The following DYSF variants were observed in gnomAD, a reference collection of about 807,000 sequenced individuals.
DYSF encodes the protein dystrophy-associated fer-1-like 1.
A neutral mutation model predicts 274.9 loss-of-function variants in DYSF; 212 were observed. The observed-to-expected ratio is 0.77, with a 90% confidence interval of 0.69 to 0.86. DYSF has a LOEUF of 0.86. DYSF is among the 40% of genes least tolerant of loss of function. The pLI is 0.00. For missense variants in DYSF, 2,666 were observed against 2,783.2 expected, an observed-to-expected ratio of 0.96 and a Z score of 0.95; for synonymous variants, 1,091 against 1,078.7, an observed-to-expected ratio of 1.01 and a Z score of -0.22.
chr2:71,463,410 G>A (rs535875269), upstream of DYSF, among the ~76,000 whole-genome samples: 5 of 152,156 alleles, frequency 3.3e-5, no homozygotes, highest in South Asian at 6.2e-4. Flanking sequence ...ATCTGGGGCC[G>A]CAGCCAAACG....
chr2:71,616,043 A>T (rs1481746821), intron 40 of DYSF, among the ~76,000 whole-genome samples: 1 of 152,026 alleles, frequency 6.6e-6, no homozygotes, highest in Non-Finnish European at 1.5e-5. Flanking sequence ...CTGCTCCCAA[A>T]GCCTTCTTAC....
At chr2:71,574,436 G>A (rs1196380455) in intron 30 of DYSF, 65 bp downstream of exon 30, 5 of 1,572,210 alleles carry the variant, frequency 3.2e-6, no homozygotes, top group African/African-American at 1.4e-5. Context: ...GGCTGTTCGG[G>A]CTGATGTGGG....
chr2:71,584,254 C>T lies in DYSF; in HGVS notation c.3403-5339C>T, dbSNP rs571354246. On this transcript the variant is annotated intron_variant, in intron 30 of 55. Coordinates refer to ENST00000410020, the MANE Select transcript of DYSF (RefSeq NM_001130987.2). ...GCCTCTCCTGCAGCTTGGCTCTGCA[C>T]GGGGCTCAGAGTGGGAGCAGAGGCA... is the stretch of plus-strand genomic sequence containing the variant. Among the ~76,000 whole-genome samples, 20 of 152,214 alleles carry T rather than the reference C, an allele frequency of 1.3e-4. No individual in the cohort carries two copies. In the East Asian group the frequency reaches 2.5e-3, roughly 19 times the overall value.
intron 41 of DYSF, among the ~76,000 whole-genome samples, chr2:71,623,596 G>A (rs2094149839): frequency 6.6e-6 from 1 of 151,800 alleles, no homozygotes; most frequent in Non-Finnish European, 1.5e-5. Flanking sequence ...CATCCTTTTG[G>A]TATAAATCAT....
chr2:71,586,796 G>A lies in DYSF; in HGVS notation c.3403-2797G>A, dbSNP rs564397100. 2.7e-3 allele frequency among the ~76,000 whole-genome samples: 414 copies of A among 152,188 alleles called. 1 individual carries two copies. Among genetic ancestry groups the A allele is most frequent in the African/African-American group, 9.0e-3 (372 of 41,522 alleles). On this transcript the variant is annotated intron_variant, in intron 30 of 55. Transcript: ENST00000410020. ...CAGGCGCTGGGAGGGAGAGAGGAAG[G>A]ATGGGGCCCTGGAGCCGGAGGCGCC...
chr2:71,515,318 G>A (rs1435461346), intron 7 of DYSF, among the ~76,000 whole-genome samples: 1 of 152,184 alleles, frequency 6.6e-6, no homozygotes, highest in Non-Finnish European at 1.5e-5. Flanking sequence ...CTCGGGTGGG[G>A]CTTGTGCCAA....
chr2:71,582,481 T>C (rs2092928812), intron 30 of DYSF, among the ~76,000 whole-genome samples: 1 of 152,120 alleles, frequency 6.6e-6, no homozygotes, highest in Non-Finnish European at 1.5e-5. Flanking sequence ...CCCATGAATA[T>C]TGTGAAAAAT....
chr2:71,590,394 G>A, intron 32 of DYSF, 106 bp downstream of exon 32: 1 of 1,219,404 alleles, frequency 8.2e-7, no homozygotes, highest in Non-Finnish European at 1.2e-6. Context: ...GGTGCATGGA[G>A]ATGGGTGCTG....
At chr2:71,613,560 G>C in intron 40 of DYSF, 150 bp downstream of exon 40, 3 of 759,458 alleles carry the variant, frequency 4.0e-6, no homozygotes, top group South Asian at 3.1e-5. Context: ...CCAGTAGAGA[G>C]ACCCAGATGG....
intron 40 of DYSF, among the ~76,000 whole-genome samples, chr2:71,614,674 G>A (rs535471190): frequency 2.3e-4 from 35 of 152,216 alleles, no homozygotes; most frequent in African/African-American, 7.9e-4. Context: ...GAGCAACTGC[G>A]GCTCCTTCCT....
intron 1 of DYSF, among the ~76,000 whole-genome samples, chr2:71,454,710 C>A (rs1163024121): frequency 1.3e-5 from 2 of 152,156 alleles, no homozygotes; most frequent in Admixed American, 1.3e-4. Flanking sequence ...GTGGAGGGAG[C>A]GGGGGTCGTA....
intron 3 of DYSF, among the ~76,000 whole-genome samples, chr2:71,483,717 G>T (rs1289260757): frequency 6.6e-6 from 1 of 152,160 alleles, no homozygotes; most frequent in Non-Finnish European, 1.5e-5. Flanking sequence ...TATTGTAACT[G>T]TCACCGTTAC....
intron 36 of DYSF, chr2:71,610,773 C>T (rs971172741): frequency 4.1e-6 from 1 of 246,214 alleles, no homozygotes; most frequent in Middle Eastern, 1.6e-3. Context: ...GAAGAAATAC[C>T]AGGACAGATG....
intron 1 of DYSF, among the ~76,000 whole-genome samples, chr2:71,470,219 T>A (rs1219854990): frequency 2.0e-5 from 3 of 151,814 alleles, no homozygotes; most frequent in Admixed American, 6.6e-5. Flanking sequence ...CTCCTGGGGG[T>A]CTCTAGATTT....
In DYSF at chr2:71,658,898, C is replaced by T. The variant is rs2094826612; in HGVS notation, c.4776C>T (p.Pro1592=). The change falls in exon 44 of 56, where the codon CCC becomes CCT. Residue 1592 remains proline, a synonymous_variant. Transcript: ENST00000410020. ...TTCAGGGCCTCTTCAAAATTTATCC[C>T]CTCCCAGAAGACCCAGCCATCCCCA... ...GEFKGLFKIY[P]LPEDPAIPMP... The T allele has an allele frequency of 1.2e-6, 2 of 1,614,120 alleles. No homozygotes were observed. Among genetic ancestry groups the T allele is most frequent in the Non-Finnish European group, 1.7e-6 (2 of 1,180,024 alleles).
intron 17 of DYSF, among the ~76,000 whole-genome samples, chr2:71,543,756 G>A (rs2090189445): frequency 6.6e-6 from 1 of 152,066 alleles, no homozygotes; most frequent in South Asian, 2.1e-4. Context: ...CAGGCACTCG[G>A]CAGGCTGAGG....
intron 41 of DYSF, among the ~76,000 whole-genome samples, chr2:71,641,176 C>CTTTTTTT (rs1405599046): frequency 1.9e-5 from 2 of 103,478 alleles, no homozygotes; most frequent in African/African-American, 8.2e-5. Context: ...AAATGTTTAT[C>CTTTTTTT]TATTTTTTTT....
chr2:71,475,470 T>C (rs1460218415), intron 1 of DYSF, among the ~76,000 whole-genome samples: 1 of 152,148 alleles, frequency 6.6e-6, no homozygotes, highest in Non-Finnish European at 1.5e-5. Flanking sequence ...GTCCTGCACA[T>C]GTGGTCACAG....
Position 71,656,239 on chromosome 2 carries a change from G to T in DYSF, c.4704G>T (p.Arg1568=). 1 of 1,614,194 alleles carries T rather than the reference G, an allele frequency of 6.2e-7. No individual in the cohort carries two copies. Among genetic ancestry groups the T allele is most frequent in the Non-Finnish European group, 8.5e-7 (1 of 1,180,042 alleles). The change falls in exon 43 of 56, where the codon CGG becomes CGT. Residue 1568 remains arginine (R), a synonymous_variant. Transcript: ENST00000410020. ...SDFCNTFKLY[R]GKTQEETEDP... ...TTTGTAACACCTTCAAGCTGTACCGGGGCAAGACGCAGGAGGAGACAGAAG... is the reference window on the plus strand; with the variant it reads ...TTTGTAACACCTTCAAGCTGTACCGTGGCAAGACGCAGGAGGAGACAGAAG...
Sources: gnomAD v4.1 joint callset for allele counts (sites outside exome capture counted in the v4.1 genomes callset) on GRCh38, gnomAD v4.1.1 for gene constraint, MANE v1.5 for transcripts, NCBI Gene and HGNC (gene_info 2026-07-23, HGNC 2026-07-21) for gene names.